The following FLT1 variants were observed in gnomAD, a reference collection of about 807,000 sequenced individuals.
FLT1 encodes the protein vascular endothelial growth factor receptor 1.
FLT1 carries 49 observed loss-of-function variants against 156.3 expected under a neutral mutation model. The observed-to-expected ratio is 0.31, with a 90% CI of 0.25 to 0.40. The LOEUF (loss-of-function observed/expected upper bound fraction) is 0.40. Among genes scored for constraint, FLT1 ranks in the 10% least tolerant of loss-of-function variants. The pLI is 1.00. For missense variants in FLT1, 1,322 were observed against 1,637.2 expected (o/e 0.81, Z 3.32); for synonymous variants, 594 against 583.8 (o/e 1.02, Z -0.25).
At chr13:28,400,572 C>T (rs549474264) in intron 11 of FLT1, among the ~76,000 whole-genome samples, 1 of 152,176 alleles carries the variant, frequency 6.6e-6, no homozygotes, top group South Asian at 2.1e-4. Context: ...TCAGTGTAGT[C>T]TGGCTGGACT....
intron 10 of FLT1, among the ~76,000 whole-genome samples, chr13:28,413,666 G>C (rs1449679121): frequency 6.6e-6 from 1 of 152,102 alleles, no homozygotes; most frequent in Non-Finnish European, 1.5e-5. Context: ...CAAGAAGGAG[G>C]CTTAAAATAG....
intron 19 of FLT1, 59 bp downstream of exon 19, chr13:28,329,556 G>T: frequency 8.1e-7 from 1 of 1,234,332 alleles, no homozygotes; most frequent in Non-Finnish European, 1.2e-6. Flanking sequence ...GTAAGGCAGA[G>T]AACTGTTCTC....
chr13:28,401,394 C>T (rs1035276908), intron 11 of FLT1, among the ~76,000 whole-genome samples: 1 of 152,106 alleles, frequency 6.6e-6, no homozygotes, highest in Non-Finnish European at 1.5e-5. Context: ...CCCAGGAATG[C>T]TCATAAAACT....
chr13:28,383,211 CAA>C (rs896415439), intron 14 of FLT1, among the ~76,000 whole-genome samples: 1 of 143,136 alleles, frequency 7.0e-6, no homozygotes. Flanking sequence ...GACTCCATCT[CAA>C]AAAAAAAAAG....
intron 1 of FLT1, 47 bp downstream of exon 1, chr13:28,494,732 CG>C: frequency 6.9e-7 from 1 of 1,455,924 alleles, no homozygotes; most frequent in African/African-American, 1.4e-5. Context: ...GCCCTCCGGC[CG>C]CCCCATCGCA....
At chr13:28,402,121 C>CTA (rs895810046) in intron 11 of FLT1, among the ~76,000 whole-genome samples, 5 of 152,122 alleles carry the variant, frequency 3.3e-5, no homozygotes, top group African/African-American at 1.2e-4. Flanking sequence ...TTATTGTCCT[C>CTA]TATACCCTTC....
At chr13:28,437,153 T>G (rs1259571026) in intron 4 of FLT1, among the ~76,000 whole-genome samples, 1 of 152,208 alleles carries the variant, frequency 6.6e-6, no homozygotes, top group Non-Finnish European at 1.5e-5. Flanking sequence ...GTTCAACTCC[T>G]CTGGCGTTTC....
intron 28 of FLT1, among the ~76,000 whole-genome samples, 170 bp downstream of exon 28, chr13:28,308,673 T>C (rs1252891421): frequency 7.9e-5 from 12 of 152,282 alleles, no homozygotes; most frequent in African/African-American, 2.6e-4. Flanking sequence ...TCAAATTAGT[T>C]CTGCACAGCT....
At chr13:28,407,002 TGCAGGGGTACTG>T (rs1875845640) in intron 10 of FLT1, among the ~76,000 whole-genome samples, 1 of 152,274 alleles carries the variant, frequency 6.6e-6, no homozygotes, top group African/African-American at 2.4e-5. Flanking sequence ...CTATCGCATC[TGCAGGGGTACTG>T]GCCCTGTAAC....
intron 1 of FLT1, among the ~76,000 whole-genome samples, chr13:28,485,888 T>C (rs1293895659): frequency 1.3e-5 from 2 of 152,128 alleles, no homozygotes; most frequent in African/African-American, 4.8e-5. Flanking sequence ...CCAGTGGAAA[T>C]GCCAAGGACT....
At chr13:28,312,694 G>A (rs534107160) in intron 25 of FLT1, among the ~76,000 whole-genome samples, 7 of 152,224 alleles carry the variant, frequency 4.6e-5, no homozygotes, top group South Asian at 2.1e-4. Flanking sequence ...AAGGTCCTGC[G>A]TACATGACTT....
chr13:28,361,107 C>T (rs953644972), intron 14 of FLT1, among the ~76,000 whole-genome samples: 2 of 151,696 alleles, frequency 1.3e-5, no homozygotes, highest in Non-Finnish European at 2.9e-5. Context: ...GGTGACACCC[C>T]GTCTCTACTA....
At chr13:28,452,514 G>C (rs1367259356) in intron 3 of FLT1, among the ~76,000 whole-genome samples, 2 of 152,164 alleles carry the variant, frequency 1.3e-5, no homozygotes, top group African/African-American at 4.8e-5. Flanking sequence ...CCCATCAAGT[G>C]AGTGTCTGCT....
chr13:28,348,761 T>C (rs1298241564), intron 15 of FLT1, among the ~76,000 whole-genome samples: 1 of 152,078 alleles, frequency 6.6e-6, no homozygotes, highest in East Asian at 1.9e-4. Context: ...TACAAAAAAT[T>C]AGCTGGGCAT....
At chr13:28,337,563 C>G (rs772681783) in intron 17 of FLT1, among the ~76,000 whole-genome samples, 2 of 152,204 alleles carry the variant, frequency 1.3e-5, no homozygotes, top group Non-Finnish European at 2.9e-5. Context: ...ACAAAGTTAG[C>G]AGACTTGACA....
At chr13:28,475,493 G>A (rs1160787273) in intron 1 of FLT1, among the ~76,000 whole-genome samples, 1 of 152,084 alleles carries the variant, frequency 6.6e-6, no homozygotes, top group African/African-American at 2.4e-5. Flanking sequence ...GTTGTTCGAG[G>A]TTAATTAAGC....
chr13:28,480,289 C>T (rs575617921), intron 1 of FLT1, among the ~76,000 whole-genome samples: 6 of 152,162 alleles, frequency 3.9e-5, no homozygotes, highest in African/African-American at 1.2e-4. Context: ...ATTTTTTGAA[C>T]GTATACCGAT....
intron 13 of FLT1, chr13:28,385,423 A>G (rs1874301124): frequency 1.4e-6 from 1 of 690,518 alleles, no homozygotes; most frequent in Non-Finnish European, 1.9e-6. Flanking sequence ...ATATAAATAT[A>G]TAGTGCTGTA....
At chr13:28,303,455 C>T (rs1870600446) in intron 29 of FLT1, 87 bp from the exon 30 acceptor site, 2 of 1,059,570 alleles carry the variant, frequency 1.9e-6, no homozygotes, top group Admixed American at 2.0e-5. Context: ...CTGAGTGGGT[C>T]ATTTGTTCAT....
Sources: allele counts gnomAD v4.1 joint callset (sites outside exome capture counted in the v4.1 genomes callset), GRCh38; gene constraint gnomAD v4.1.1; transcripts MANE v1.5; gene names NCBI Gene and HGNC (gene_info 2026-07-23, HGNC 2026-07-21).